Variants in PLCB4 observed in about 807,000 individuals in gnomAD.
The protein encoded by PLCB4 is phospholipase C beta 4.
Under a neutral mutation model 178.8 loss-of-function variants are expected in PLCB4, and 77 were observed. That is an observed-to-expected ratio of 0.43 (90% CI 0.36 to 0.52). PLCB4 has a LOEUF of 0.52. Among genes scored for constraint, PLCB4 ranks in the 20% least tolerant of loss-of-function variants. The pLI is 0.00. For missense variants in PLCB4, 1,024 were observed against 1,453.4 expected (o/e 0.70, Z 4.80); for synonymous variants, 496 against 490.8 (o/e 1.01, Z -0.14).
At chr20:9,321,177 G>GGTTTAAA in intron 4 of PLCB4, among the ~76,000 whole-genome samples, 1 of 152,166 alleles carries the variant, frequency 6.6e-6, no homozygotes, top group Non-Finnish European at 1.5e-5. Flanking sequence ...AAACCCTCAG[G>GGTTTAAA]TGGTGGTGAG....
intron 30 of PLCB4, among the ~76,000 whole-genome samples, chr20:9,442,766 G>C (rs1329704271): frequency 1.3e-5 from 2 of 152,150 alleles, no homozygotes; most frequent in African/African-American, 4.8e-5. Context: ...TCAGTAGAGA[G>C]CCCCATGGAC....
intron 32 of PLCB4, among the ~76,000 whole-genome samples, chr20:9,446,088 C>G (rs1410489793): frequency 6.6e-6 from 1 of 152,188 alleles, no homozygotes; most frequent in African/African-American, 2.4e-5. Flanking sequence ...CTCAGTAATT[C>G]TCAGATGCTG....
At chr20:9,374,750 TG>T (rs2036529895) in intron 12 of PLCB4, among the ~76,000 whole-genome samples, 1 of 152,176 alleles carries the variant, frequency 6.6e-6, no homozygotes, top group Admixed American at 6.5e-5. Flanking sequence ...TTTCCTTTTA[TG>T]GGTTGTTTTT....
chr20:9,383,082 C>T (rs1294984974), intron 13 of PLCB4, among the ~76,000 whole-genome samples: 1 of 152,076 alleles, frequency 6.6e-6, no homozygotes, highest in East Asian at 1.9e-4. Context: ...ATAAAAATAG[C>T]AAGTTGCAAA....
chr20:9,460,896 A>G (rs1206476067), intron 35 of PLCB4, among the ~76,000 whole-genome samples: 2 of 152,090 alleles, frequency 1.3e-5, no homozygotes, highest in Non-Finnish European at 2.9e-5. Context: ...CCCATGCTCC[A>G]TTTTCTGTGG....
Position 9,405,288 on chromosome 20 carries a change from C to G in PLCB4, c.1612-25C>G, listed in dbSNP as rs945680021. On this transcript the variant is annotated intron_variant, in intron 20 of 39. Transcript: ENST00000378473. ...GAATTTTGCCCTTTAGAGAAGTAAA[C>G]AAATTATTTCCTTTCTCTAATTAGG... 4.2e-6 allele frequency: 6 copies of G among 1,444,756 alleles called. No homozygotes were observed. The African/African-American group carries it at 8.5e-5, about 20-fold the overall frequency. 89.5% of individuals were successfully genotyped at this position (1,444,756 alleles called of 1,614,324 possible).
At chr20:9,223,853 T>G (rs75057250) in intron 3 of PLCB4, among the ~76,000 whole-genome samples, 5,179 of 152,306 alleles carry the variant, frequency 0.034, 316 homozygotes, top group African/African-American at 0.12. Flanking sequence ...ATTTCTTCTA[T>G]CTGATAATCA....
chr20:9,356,930 A>G (rs1048712353), intron 7 of PLCB4, among the ~76,000 whole-genome samples: 7 of 152,142 alleles, frequency 4.6e-5, no homozygotes, highest in Non-Finnish European at 1.0e-4. Flanking sequence ...AACCTGGGCA[A>G]CATGGCCAGA....
At chr20:9,289,502 A>G (rs192551018) in intron 3 of PLCB4, among the ~76,000 whole-genome samples, 3 of 152,208 alleles carry the variant, frequency 2.0e-5, no homozygotes, top group Admixed American at 1.3e-4. Flanking sequence ...GGTTACCAGG[A>G]TCTCTGTCCT....
intron 28 of PLCB4, among the ~76,000 whole-genome samples, chr20:9,433,648 T>C (rs1486995241): frequency 1.3e-5 from 2 of 152,238 alleles, no homozygotes; most frequent in Non-Finnish European, 2.9e-5. Context: ...CATAAATATA[T>C]GAGGGGTTAT....
chr20:9,119,806 T>G (rs2091899416), intron 2 of PLCB4, among the ~76,000 whole-genome samples: 2 of 152,232 alleles, frequency 1.3e-5, no homozygotes, highest in South Asian at 4.1e-4. Context: ...TAATGTTTCC[T>G]AAGGAGATTC....
intron 3 of PLCB4, among the ~76,000 whole-genome samples, chr20:9,241,778 C>G (rs1305818159): frequency 6.6e-6 from 1 of 152,220 alleles, no homozygotes; most frequent in Non-Finnish European, 1.5e-5. Context: ...ATAATCAACT[C>G]TCCAGAACCT....
intron 2 of PLCB4, among the ~76,000 whole-genome samples, chr20:9,126,172 A>G (rs1275727168): frequency 6.6e-6 from 1 of 152,136 alleles, no homozygotes; most frequent in East Asian, 1.9e-4. Context: ...GCTATACTCT[A>G]CTTTTCTATA....
chr20:9,247,105 ATC>A (rs1329156517), intron 3 of PLCB4, among the ~76,000 whole-genome samples: 2 of 152,228 alleles, frequency 1.3e-5, no homozygotes, highest in African/African-American at 4.8e-5. Flanking sequence ...ATATTAAGAT[ATC>A]TGTGTTTTTT....
At chr20:9,096,009 TTAATTC>T (rs149708602) in intron 1 of PLCB4, among the ~76,000 whole-genome samples, 3,334 of 152,290 alleles carry the variant, frequency 0.022, 108 homozygotes, top group African/African-American at 0.074. Context: ...TGTAAAAACT[TTAATTC>T]TAATTTTGAG....
At chr20:9,440,347 G>A (rs973286235) in intron 30 of PLCB4, among the ~76,000 whole-genome samples, 10 of 152,156 alleles carry the variant, frequency 6.6e-5, no homozygotes, top group South Asian at 2.1e-4. Context: ...TAAATATTTC[G>A]TGTAACTTAT....
At chr20:9,370,267 A>G (rs868847910) in intron 9 of PLCB4, among the ~76,000 whole-genome samples, 5 of 152,288 alleles carry the variant, frequency 3.3e-5, no homozygotes, top group Middle Eastern at 3.4e-3. Context: ...ATTTGTTGAA[A>G]CATTGGATAA....
intron 7 of PLCB4, among the ~76,000 whole-genome samples, chr20:9,359,132 T>G (rs1056666465): frequency 6.6e-6 from 1 of 152,212 alleles, no homozygotes; most frequent in Admixed American, 6.5e-5. Context: ...ATAGTATTTT[T>G]GGTTTGTGTT....
At chr20:9,461,929 T>C (rs553335296) in intron 35 of PLCB4, among the ~76,000 whole-genome samples, 2 of 152,260 alleles carry the variant, frequency 1.3e-5, no homozygotes, top group African/African-American at 4.8e-5. Context: ...GCGTTTGAGC[T>C]CTGAGAACGG....
Sources: gnomAD v4.1 joint callset for allele counts (sites outside exome capture counted in the v4.1 genomes callset) on GRCh38, gnomAD v4.1.1 for gene constraint, MANE v1.5 for transcripts, NCBI Gene and HGNC (gene_info 2026-07-23, HGNC 2026-07-21) for gene names.